Variants in TEX14 observed in about 807,000 individuals in gnomAD.
The protein encoded by TEX14 is inactive serine/threonine-protein kinase TEX14.
TEX14 carries 168 observed loss-of-function variants against 178.6 expected under a neutral mutation model. The observed-to-expected ratio is 0.94, with a 90% confidence interval of 0.83 to 1.07. The LOEUF (loss-of-function observed/expected upper bound fraction) is 1.07. TEX14 is among the 50% of genes least tolerant of loss of function. The probability of loss-of-function intolerance (pLI) is 0.00; values close to 1 mark genes in which losing one functional copy is unlikely to be tolerated. For missense variants in TEX14, 1,730 were observed against 1,753.6 expected (o/e 0.99, Z 0.24); for synonymous variants, 626 against 634.1 (o/e 0.99, Z 0.19).
intron 19 of TEX14, among the ~76,000 whole-genome samples, chr17:58,580,254 G>A (rs958589343): frequency 2.6e-5 from 4 of 151,914 alleles, no homozygotes; most frequent in African/African-American, 7.3e-5. Context: ...CAATCCTCCC[G>A]CCTCAGCCTC....
chr17:58,559,048 TA>T (rs1478709262), intron 30 of TEX14, among the ~76,000 whole-genome samples: 1 of 152,050 alleles, frequency 6.6e-6, no homozygotes, highest in Non-Finnish European at 1.5e-5. Context: ...CATCCACCTG[TA>T]ATCTCAGCTA....
chr17:58,590,199 T>G (rs1251423221), intron 15 of TEX14, among the ~76,000 whole-genome samples: 2 of 146,926 alleles, frequency 1.4e-5, no homozygotes, highest in Non-Finnish European at 3.0e-5. Flanking sequence ...AGGCGGAGGT[T>G]GCAGTGAGCC....
chr17:58,587,853 A>AC (rs1598360972), intron 16 of TEX14, 43 bp downstream of exon 16: 4 of 605,726 alleles, frequency 6.6e-6, no homozygotes, highest in Non-Finnish European at 1.2e-5. Context: ...ACCCACCCCC[A>AC]CCCCCGCTCC....
In TEX14 at chr17:58,589,405, A is replaced by G. The variant is rs573018503; in HGVS notation, c.2577-1384T>C. ...GTGAAACCCCGTATCTCCTAAAAAT[A>G]CAAAAAATTAGCTGGGCATGGTGGC... On this transcript the variant is annotated intron_variant, in intron 15 of 31. Transcript: ENST00000349033. 2.0e-5 allele frequency among the ~76,000 whole-genome samples: 3 copies of G among 151,126 alleles called. 1 individual carries two copies. Among genetic ancestry groups the G allele is most frequent in the South Asian group, 4.2e-4 (2 of 4,766 alleles).
In TEX14 at chr17:58,572,126, C is replaced by G. The variant is rs778720258; in HGVS notation, c.3512G>C (p.Gly1171Ala). 14 of 1,601,138 alleles carry G rather than the reference C, an allele frequency of 8.7e-6. No individual in the cohort carries two copies. The highest frequency in any genetic ancestry group is 1.0e-5 in the Non-Finnish European group (12 of 1,169,636). ...CTGACTGGCAGCTGAAGAAACGGAC[C>G]CTGTTGGAGAAAAGCGGAAGGTTAC... ...PTSVSTPLSP[G>A]SVSSAASQYK... The change falls in exon 24 of 32, where the codon GGG (glycine) becomes GCG (alanine). Residue 1171 changes from glycine (G) to alanine (A), a missense_variant and splice_region_variant. Gly to Ala is a moderately conservative substitution (Grantham distance 60). Coordinates refer to ENST00000349033, the MANE Select transcript of TEX14 (RefSeq NM_031272.5).
chr17:58,559,206 G>A (rs1219937208), intron 30 of TEX14, among the ~76,000 whole-genome samples: 2 of 152,028 alleles, frequency 1.3e-5, no homozygotes, highest in Non-Finnish European at 2.9e-5. Context: ...CCCAGACAAC[G>A]TGCAAGATAA....
At position 58,604,299 on chromosome 17, in the gene TEX14, C is replaced by T. The variant is rs141002775; in HGVS notation, c.1336+679G>A. ...CAGCCTGGCCAATATGGTAAAACCC[C>T]GTCTCTACTAAAAATGCAAAAATCA... On this transcript the variant is annotated intron_variant, in intron 11 of 31. Transcript: ENST00000349033. Among the ~76,000 whole-genome samples, 861 of 150,932 alleles carry T rather than the reference C, an allele frequency of 5.7e-3. 5 individuals are homozygous for T. The highest frequency in any genetic ancestry group is 9.1e-3 in the African/African-American group (373 of 41,170).
At chr17:58,638,020 C>A (rs953073221) in intron 2 of TEX14, among the ~76,000 whole-genome samples, 3 of 151,936 alleles carry the variant, frequency 2.0e-5, no homozygotes, top group East Asian at 1.9e-4. Flanking sequence ...TACCACCACA[C>A]CCGGCTAATT....
chr17:58,607,766 C>T (rs547552376), intron 10 of TEX14, among the ~76,000 whole-genome samples: 7 of 152,328 alleles, frequency 4.6e-5, no homozygotes, highest in African/African-American at 1.7e-4. Context: ...GAACACATAG[C>T]CAGAGAGGTC....
At chr17:58,582,994 T>C (rs530031409) in intron 19 of TEX14, among the ~76,000 whole-genome samples, 32 of 145,812 alleles carry the variant, frequency 2.2e-4, no homozygotes, top group South Asian at 1.5e-3. Flanking sequence ...TTTTGAGACA[T>C]GGTTTCATTC....
At chr17:58,593,385 G>A (rs1324273207) in intron 15 of TEX14, among the ~76,000 whole-genome samples, 170 bp downstream of exon 15, 1 of 152,196 alleles carries the variant, frequency 6.6e-6, no homozygotes, top group Non-Finnish European at 1.5e-5. Flanking sequence ...AAGTTCCCAT[G>A]ACACTGCTCT....
intron 1 of TEX14, among the ~76,000 whole-genome samples, chr17:58,667,485 A>G (rs577743109): frequency 1.5e-4 from 23 of 152,332 alleles, no homozygotes; most frequent in African/African-American, 4.8e-4. Context: ...AACAGCTAAC[A>G]TCTACTGTTT....
chr17:58,585,375 A>G (rs1190762704), intron 18 of TEX14, among the ~76,000 whole-genome samples: 2 of 152,204 alleles, frequency 1.3e-5, no homozygotes, highest in African/African-American at 4.8e-5. Context: ...AAAGTAGGAA[A>G]GGAGAGAGGA....
intron 19 of TEX14, 77 bp from the exon 20 acceptor site, chr17:58,579,808 A>G (rs2044768819): frequency 8.6e-7 from 1 of 1,163,040 alleles, no homozygotes; most frequent in African/African-American, 1.5e-5. Flanking sequence ...TAATTTCTTG[A>G]TGTTCTTAAA....
chr17:58,572,765 C>G (rs931052278), intron 23 of TEX14, among the ~76,000 whole-genome samples: 1 of 152,004 alleles, frequency 6.6e-6, no homozygotes, highest in Non-Finnish European at 1.5e-5. Context: ...ATTTTTTAAA[C>G]CACAAATATA....
At chr17:58,651,843 T>G in intron 2 of TEX14, 23 bp downstream of exon 2, 1 of 1,590,926 alleles carries the variant, frequency 6.3e-7, no homozygotes. Flanking sequence ...AAGGTGCATC[T>G]GCCATCTCAA....
At chr17:58,575,216 GT>G (rs2044648560) in intron 21 of TEX14, among the ~76,000 whole-genome samples, 1 of 151,174 alleles carries the variant, frequency 6.6e-6, no homozygotes, top group African/African-American at 2.4e-5. Flanking sequence ...CTGGGTTCAA[GT>G]GATTCTCCTG....
chr17:58,633,695 G>A (rs1049619745), intron 2 of TEX14, among the ~76,000 whole-genome samples: 7 of 152,088 alleles, frequency 4.6e-5, no homozygotes, highest in Admixed American at 2.0e-4. Flanking sequence ...GGGGCCGGGC[G>A]CAGTGGCTCA....
At chr17:58,657,837 G>T (rs2047002116) in intron 1 of TEX14, among the ~76,000 whole-genome samples, 1 of 152,094 alleles carries the variant, frequency 6.6e-6, no homozygotes. Flanking sequence ...GCCTTTGTAG[G>T]ACTAACATTA....
Sources: gnomAD v4.1 joint callset for allele counts (sites outside exome capture counted in the v4.1 genomes callset) on GRCh38, gnomAD v4.1.1 for gene constraint, MANE v1.5 for transcripts, NCBI Gene and HGNC (gene_info 2026-07-23, HGNC 2026-07-21) for gene names.